SORBS2: variants seen among roughly 807,000 people sequenced by gnomAD.
The protein encoded by SORBS2 is sorbin and SH3 domain containing 2.
Under a neutral mutation model 97.7 loss-of-function variants are expected in SORBS2, and 46 were observed. That is an observed-to-expected ratio of 0.47 (90% CI 0.37 to 0.60). The LOEUF is 0.60. Ranked by LOEUF, SORBS2 falls within the 20% of genes least tolerant of loss-of-function variation. The probability of loss-of-function intolerance (pLI) is 0.00; values close to 1 mark genes in which losing one functional copy is unlikely to be tolerated. For missense variants in SORBS2, 1,316 were observed against 1,282.3 expected (o/e 1.03, Z -0.40); for synonymous variants, 476 against 473.4 (o/e 1.01, Z -0.07).
chr4:185,732,752 G>A (rs2098652038), intron 2 of SORBS2, among the ~76,000 whole-genome samples: 2 of 152,230 alleles, frequency 1.3e-5, no homozygotes, highest in Admixed American at 1.3e-4. Context: ...GTATGTTGAA[G>A]TCCTTCCTCA....
At chr4:185,814,583 T>C (rs2099192142) in intron 1 of SORBS2, among the ~76,000 whole-genome samples, 1 of 149,630 alleles carries the variant, frequency 6.7e-6, no homozygotes, top group Non-Finnish European at 1.5e-5. Flanking sequence ...CAAACAAATA[T>C]CTGAAGTCAT....
At chr4:185,828,792 G>A (rs1043301962) in intron 1 of SORBS2, among the ~76,000 whole-genome samples, 2 of 152,106 alleles carry the variant, frequency 1.3e-5, no homozygotes, top group African/African-American at 4.8e-5. Flanking sequence ...GGTGGAAAAG[G>A]GCTTTGCAGG....
chr4:185,726,393 G>A (rs778262110), intron 2 of SORBS2, among the ~76,000 whole-genome samples: 2 of 152,068 alleles, frequency 1.3e-5, no homozygotes, highest in South Asian at 2.1e-4. Context: ...CGTACCTTAT[G>A]TATAACAGGC....
At chr4:185,760,598 C>T (rs1247750028) in intron 2 of SORBS2, among the ~76,000 whole-genome samples, 1 of 152,076 alleles carries the variant, frequency 6.6e-6, no homozygotes, top group East Asian at 1.9e-4. Context: ...TCTGTATAGG[C>T]ATCCTATGTC....
At chr4:185,587,543 A>T (rs2095814812) in exon 15 of SORBS2, 1 of 1,226,322 alleles carries the variant, frequency 8.2e-7, no homozygotes, top group African/African-American at 1.5e-5. Context: ...AAGGCATGAC[A>T]ACGGGAGGCC....
intron 4 of SORBS2, among the ~76,000 whole-genome samples, chr4:185,642,161 A>G (rs1462797483): frequency 6.6e-6 from 1 of 152,194 alleles, no homozygotes; most frequent in African/African-American, 2.4e-5. Flanking sequence ...CTTAATGGTC[A>G]TCAGATGAAA....
intron 1 of SORBS2, among the ~76,000 whole-genome samples, chr4:185,787,817 T>C (rs141918833): frequency 1.9e-4 from 29 of 152,310 alleles, no homozygotes; most frequent in African/African-American, 6.5e-4. Flanking sequence ...TCTGGAGACT[T>C]TCAGGACGAG....
chr4:185,817,238 A>C (rs1236759887), intron 1 of SORBS2, among the ~76,000 whole-genome samples: 1 of 152,042 alleles, frequency 6.6e-6, no homozygotes, highest in Non-Finnish European at 1.5e-5. Flanking sequence ...ACCACCCACA[A>C]TTAACCCCCT....
chr4:185,738,937 GGGGACCCTCT>G (rs2098705482), intron 2 of SORBS2, among the ~76,000 whole-genome samples: 1 of 152,236 alleles, frequency 6.6e-6, no homozygotes, highest in Non-Finnish European at 1.5e-5. Flanking sequence ...ACCAGTGCAA[GGGGACCCTCT>G]GGGTTCCATT....
Position 185,943,568 on chromosome 4 carries a change from A to G in SORBS2, c.-338+12628T>C, listed in dbSNP as rs533155584. On this transcript the variant is annotated intron_variant, in intron 1 of 20. Coordinates refer to the SORBS2 transcript ENST00000284776. The stretch of plus-strand genomic sequence containing the variant: ...TCCTCACTGTGGGACGTTTTACAAG[A>G]CAATTGGCCTGTTCTCTTCACAAAG... Among the ~76,000 whole-genome samples the G allele has an allele frequency of 6.6e-5, 10 of 152,360 alleles. No homozygotes were observed. In the East Asian group the frequency reaches 1.9e-3, roughly 29 times the overall value.
intron 1 of SORBS2, among the ~76,000 whole-genome samples, chr4:185,848,206 G>A (rs2099215634): frequency 1.3e-5 from 2 of 152,220 alleles, no homozygotes; most frequent in Admixed American, 1.3e-4. Flanking sequence ...TAGGATCCAG[G>A]TCAAGTCTGT....
At chr4:185,837,124 C>T (rs551450759) in intron 1 of SORBS2, among the ~76,000 whole-genome samples, 46 of 152,204 alleles carry the variant, frequency 3.0e-4, no homozygotes, top group South Asian at 1.7e-3. Flanking sequence ...AATCTTTATA[C>T]GCACCAGAAA....
chr4:185,822,463 C>T (rs1467951939), intron 1 of SORBS2, among the ~76,000 whole-genome samples: 5 of 152,212 alleles, frequency 3.3e-5, no homozygotes, highest in Admixed American at 6.5e-5. Flanking sequence ...TTTTTGTATT[C>T]GGTGAGTTTT....
intron 1 of SORBS2, among the ~76,000 whole-genome samples, chr4:185,929,838 A>C (rs1184891036): frequency 6.6e-6 from 1 of 152,104 alleles, no homozygotes; most frequent in African/African-American, 2.4e-5. Flanking sequence ...CTGGCCGCAA[A>C]GAGATTTTTA....
chr4:185,683,259 G>A (rs951462740), intron 2 of SORBS2, among the ~76,000 whole-genome samples: 3 of 151,316 alleles, frequency 2.0e-5, no homozygotes, highest in Non-Finnish European at 4.4e-5. Context: ...TTGTAATTCC[G>A]AAGCATTAAA....
chr4:185,817,428 C>T (rs1016003613), intron 1 of SORBS2, among the ~76,000 whole-genome samples: 21 of 152,254 alleles, frequency 1.4e-4, no homozygotes, highest in Non-Finnish European at 2.5e-4. Context: ...GCTTAAAAAG[C>T]GACCTGGAAA....
intron 1 of SORBS2, among the ~76,000 whole-genome samples, chr4:185,934,606 CA>C (rs1240522128): frequency 6.6e-6 from 1 of 151,796 alleles, no homozygotes; most frequent in Non-Finnish European, 1.5e-5. Context: ...ACTAAAAATA[CA>C]AAAAACAACA....
At chr4:185,690,587 T>C in intron 2 of SORBS2, 1 of 1,509,350 alleles carries the variant, frequency 6.6e-7, no homozygotes, top group Non-Finnish European at 9.0e-7. Context: ...CCTTGGAGAG[T>C]TTGTTATTAA....
At chr4:185,886,204 G>A (rs1374343002) in intron 1 of SORBS2, among the ~76,000 whole-genome samples, 1 of 152,142 alleles carries the variant, frequency 6.6e-6, no homozygotes, top group Non-Finnish European at 1.5e-5. Context: ...AAACTCTTAT[G>A]AAAGGAAATG....
Sources: allele counts gnomAD v4.1 joint callset (sites outside exome capture counted in the v4.1 genomes callset), GRCh38; gene constraint gnomAD v4.1.1; transcripts MANE v1.5; gene names NCBI Gene and HGNC (gene_info 2026-07-23, HGNC 2026-07-21).